CINP: variants seen among roughly 807,000 people sequenced by gnomAD.
CINP encodes the protein cyclin dependent kinase 2 interacting protein.
CINP carries 11 observed loss-of-function variants against 20.5 expected under a neutral mutation model. The observed-to-expected ratio is 0.54, with a 90% CI of 0.34 to 0.89. CINP has a LOEUF of 0.89. Among genes scored for constraint, CINP ranks in the 40% least tolerant of loss-of-function variants. CINP has a pLI of 0.02. For synonymous variants in CINP, 108 were observed against 102.1 expected (o/e 1.06, Z -0.35); for missense variants, 213 against 251.0 (o/e 0.85, Z 1.02).
chr14:102,355,746 G>A (rs1886983951), intron 3 of CINP, 22 bp downstream of exon 3: 1 of 1,612,662 alleles, frequency 6.2e-7, no homozygotes, highest in South Asian at 1.1e-5. Context: ...GACCACAAGT[G>A]GCCTGCGTCT....
chr14:102,358,493 C>T (rs569911232), intron 2 of CINP, among the ~76,000 whole-genome samples: 1 of 152,184 alleles, frequency 6.6e-6, no homozygotes, highest in East Asian at 1.9e-4. Flanking sequence ...CTAGCCTGGC[C>T]AACATGGTGA....
At chr14:102,361,521 G>A (rs1454366977) in intron 1 of CINP, among the ~76,000 whole-genome samples, 1 of 152,168 alleles carries the variant, frequency 6.6e-6, no homozygotes, top group Non-Finnish European at 1.5e-5. Flanking sequence ...GGCGCCTGTA[G>A]TCCCAGCTAC....
chr14:102,352,147 A>C (rs756250155), intron 3 of CINP, among the ~76,000 whole-genome samples: 1 of 152,048 alleles, frequency 6.6e-6, no homozygotes, highest in Non-Finnish European at 1.5e-5. Flanking sequence ...CAGCCTCCCA[A>C]AGTGTTGGGA....
intron 1 of CINP, among the ~76,000 whole-genome samples, chr14:102,361,641 A>AAAAACAAAACAAAAC (rs56044966): frequency 6.6e-6 from 1 of 151,940 alleles, no homozygotes; most frequent in Non-Finnish European, 1.5e-5. Flanking sequence ...ACTCCGTCTC[A>AAAAACAAAACAAAAC]AAAACAAAAC....
At position 102,355,811 on chromosome 14, in the gene CINP, A is replaced by C. The variant is rs370092481; in HGVS notation, c.263T>G (p.Leu88Arg). The change falls in exon 3 of 5, where the codon CTG becomes CGG. Residue 88 changes from leucine (L) to arginine (R), a missense_variant. By Grantham distance (102) the Leu-to-Arg change is moderately radical. Coordinates refer to ENST00000216756, the MANE Select transcript of CINP (RefSeq NM_032630.3). The part of the protein sequence containing the change: ...EKVCLEYNEE[L>R]EKLCEELQAT... Reference sequence around the variant, plus strand: ...CTGCAGTTCCTCACACAGCTTCTCCAGTTCCTCGTTATATTCCAGACACAC... The same window carrying C: ...CTGCAGTTCCTCACACAGCTTCTCCCGTTCCTCGTTATATTCCAGACACAC... The C allele has an allele frequency of 6.2e-7, 1 of 1,614,172 alleles. No individual in the cohort carries two copies. The highest frequency in any genetic ancestry group is 8.5e-7 in the Non-Finnish European group (1 of 1,180,004).
In CINP at chr14:102,348,706, G is replaced by A. The variant is rs202220609; in HGVS notation, c.490C>T (p.Arg164Cys). Reference protein sequence around the residue: ...EMYRKELLLKRTVAKELAHTG... With the variant: ...EMYRKELLLKCTVAKELAHTG... ...TGGGCAAGCTCCTTGGCCACCGTGC[G>A]CTTCAGGAGCAGCTCCTTCCTGTAC... Residue 164 changes from arginine (R) to cysteine (C), a missense_variant, in exon 5 of 5, where the codon CGC (arginine) becomes TGC (cysteine). Physicochemically the swap from Arg to Cys is radical, Grantham distance 180. Transcript: ENST00000216756. 11 of 1,613,758 alleles carry A rather than the reference G, an allele frequency of 6.8e-6. No individual in the cohort carries two copies. The Admixed American group carries it at 1.3e-4, about 20-fold the overall frequency.
intron 2 of CINP, among the ~76,000 whole-genome samples, 172 bp downstream of exon 2, chr14:102,359,247 T>C (rs967648828): frequency 1.4e-5 from 2 of 144,730 alleles, no homozygotes; most frequent in Non-Finnish European, 3.0e-5. Flanking sequence ...TATATATATA[T>C]ATATATGGAA....
At position 102,359,538 on chromosome 14, in the gene CINP, A is replaced by G; in HGVS notation, c.57T>C (p.Ser19=). The G allele has an allele frequency of 6.2e-7, 1 of 1,613,284 alleles. No individual in the cohort carries two copies. Among genetic ancestry groups the G allele is most frequent in the Non-Finnish European group, 8.5e-7 (1 of 1,179,608 alleles). The change falls in exon 2 of 5, where the codon AGT becomes AGC. Residue 19 remains serine, a synonymous_variant. Transcript: ENST00000216756. ...CCGCATTGTCCTTAATTTTTCTTGC[A>G]CTGACAGATAAGACAGGTTTTCTGG... ...VTPRKPVLSV[S]ARKIKDNAAD... is the part of the protein sequence containing the mutation.
intron 1 of CINP, among the ~76,000 whole-genome samples, chr14:102,362,022 G>A (rs1210440489): frequency 1.3e-5 from 2 of 152,202 alleles, no homozygotes; most frequent in African/African-American, 2.4e-5. Context: ...TAGGAACTAT[G>A]TCTCGTTCTC....
chr14:102,357,105 G>C (rs533964139), intron 2 of CINP, among the ~76,000 whole-genome samples: 1 of 152,310 alleles, frequency 6.6e-6, no homozygotes, highest in African/African-American at 2.4e-5. Context: ...AAGGGGCCAG[G>C]TGCGGTGGCT....
In CINP at chr14:102,349,782, C is replaced by T. The variant is rs148309894; in HGVS notation, c.436+137G>A. The T allele has an allele frequency of 2.0e-4, 206 of 1,041,802 alleles. No individual in the cohort carries two copies. In the African/African-American group the frequency reaches 3.0e-3, roughly 15 times the overall value. The allele number at this position is 1,041,802 out of a possible 1,614,324, so 64.5% of individuals were successfully genotyped here. On this transcript the variant is annotated intron_variant, in intron 4 of 4. Transcript: ENST00000216756. ...CCAAGAAGAAATGTTTAAGATGCCTCTGTCTCCTTTCCTCCCGATACTTTT... is the reference window on the plus strand; with the variant it reads ...CCAAGAAGAAATGTTTAAGATGCCTTTGTCTCCTTTCCTCCCGATACTTTT...
intron 4 of CINP, 71 bp downstream of exon 4, chr14:102,349,848 G>A: frequency 6.5e-7 from 1 of 1,542,896 alleles, no homozygotes; most frequent in Non-Finnish European, 8.9e-7. Context: ...TAAAGTACCA[G>A]ATGTAAACGA....
Position 102,348,456 on chromosome 14 carries a change from T to C in CINP, c.*101A>G. ...GCTCTGGCCAGAAGACCCCAAGGTCTGATCCTGGGGTCTGATCCAGGCCTG... is the reference window on the plus strand; with the variant it reads ...GCTCTGGCCAGAAGACCCCAAGGTCCGATCCTGGGGTCTGATCCAGGCCTG... On this transcript the variant is annotated 3_prime_UTR_variant, in exon 5 of 5. Transcript: ENST00000216756. The C allele has an allele frequency of 1.0e-6, 1 of 981,528 alleles. No individual in the cohort carries two copies. Among genetic ancestry groups the C allele is most frequent in the Admixed American group, 2.5e-5 (1 of 40,796 alleles). The allele number at this position is 981,528 out of a possible 1,614,324, so 60.8% of individuals were successfully genotyped here.
At chr14:102,353,739 G>A (rs1337681835) in intron 3 of CINP, among the ~76,000 whole-genome samples, 1 of 152,098 alleles carries the variant, frequency 6.6e-6, no homozygotes, top group African/African-American at 2.4e-5. Flanking sequence ...AAAGGAGCCT[G>A]AGGAAACAAG....
intron 3 of CINP, 84 bp downstream of exon 3, chr14:102,355,684 A>G (rs1886982590): frequency 6.7e-7 from 1 of 1,484,140 alleles, no homozygotes; most frequent in Non-Finnish European, 9.3e-7. Flanking sequence ...GGAGTAAGTG[A>G]TGGCCAATGG....
intron 3 of CINP, chr14:102,352,668 C>CT (rs919340856): frequency 8.1e-5 from 33 of 407,210 alleles, no homozygotes; most frequent in South Asian, 1.8e-4. Flanking sequence ...TTCTTTTTTT[C>CT]TTTTTTTTGA....
intron 2 of CINP, among the ~76,000 whole-genome samples, chr14:102,359,216 A>C (rs1333300848): frequency 3.9e-4 from 46 of 119,166 alleles, no homozygotes; most frequent in Admixed American, 7.1e-4. Flanking sequence ...AAATAAATAA[A>C]TAAATAACTA....
intron 3 of CINP, among the ~76,000 whole-genome samples, chr14:102,350,581 T>G (rs1247530797): frequency 6.6e-6 from 1 of 151,924 alleles, no homozygotes; most frequent in Non-Finnish European, 1.5e-5. Context: ...CTCTAACTCC[T>G]GGGCTCCAGC....
intron 2 of CINP, among the ~76,000 whole-genome samples, chr14:102,356,496 A>G (rs948062298): frequency 6.6e-6 from 1 of 151,960 alleles, no homozygotes; most frequent in East Asian, 1.9e-4. Context: ...TGAATAAGAC[A>G]TGGATCATTT....
Sources: allele counts gnomAD v4.1 joint callset (sites outside exome capture counted in the v4.1 genomes callset), GRCh38; gene constraint gnomAD v4.1.1; transcripts MANE v1.5; gene names NCBI Gene and HGNC (gene_info 2026-07-23, HGNC 2026-07-21).